Variants in ANTXR1 observed in about 807,000 individuals in gnomAD.
ANTXR1 encodes the protein anthrax toxin receptor 1.
ANTXR1 carries 19 observed loss-of-function variants against 78.1 expected under a neutral mutation model. The ratio of observed to expected loss-of-function variants is 0.24; its 90% CI spans 0.17 to 0.36. ANTXR1 has a LOEUF of 0.36. ANTXR1 is among the 10% of genes least tolerant of loss of function. The probability of loss-of-function intolerance (pLI) is 1.00; values close to 1 mark genes in which losing one functional copy is unlikely to be tolerated. For synonymous variants in ANTXR1, 273 were observed against 260.5 expected, an observed-to-expected ratio of 1.05 and a Z score of -0.46; for missense variants, 518 against 718.6, an observed-to-expected ratio of 0.72 and a Z score of 3.19.
chr2:69,133,798 T>A (rs1260022663), intron 12 of ANTXR1, among the ~76,000 whole-genome samples: 2 of 152,208 alleles, frequency 1.3e-5, no homozygotes, highest in Non-Finnish European at 2.9e-5. Flanking sequence ...TTGTTATTGC[T>A]GTAATTATAG....
chr2:69,111,541 A>G (rs914220491), intron 10 of ANTXR1, among the ~76,000 whole-genome samples: 4 of 152,272 alleles, frequency 2.6e-5, no homozygotes, highest in Non-Finnish European at 4.4e-5. Context: ...AATCAGATTC[A>G]TTATATTATA....
chr2:69,175,837 T>TGCTCACTGA (rs1674106110), intron 14 of ANTXR1, among the ~76,000 whole-genome samples: 1 of 152,168 alleles, frequency 6.6e-6, no homozygotes, highest in East Asian at 1.9e-4. Flanking sequence ...TTTTCAGATT[T>TGCTCACTGA]ATTATTATGC....
At chr2:69,023,808 A>G (rs1191216753) in intron 1 of ANTXR1, among the ~76,000 whole-genome samples, 1 of 152,224 alleles carries the variant, frequency 6.6e-6, no homozygotes, top group Non-Finnish European at 1.5e-5. Context: ...AGGAGGCTTC[A>G]TAGAGGAGGT....
At chr2:69,182,980 T>TA (rs34296585) in intron 16 of ANTXR1, 91,143 of 208,632 alleles carry the variant, frequency 0.44, 17,801 homozygotes, top group East Asian at 0.63. Context: ...TGTTCCATAT[T>TA]AAAAAAAAAA....
At chr2:69,186,101 G>A (rs1459126337) in intron 16 of ANTXR1, among the ~76,000 whole-genome samples, 1 of 152,132 alleles carries the variant, frequency 6.6e-6, no homozygotes, top group Non-Finnish European at 1.5e-5. Flanking sequence ...AAAGAGCTGA[G>A]GCATGAACGG....
chr2:69,023,083 G>A (rs986192071), intron 1 of ANTXR1, among the ~76,000 whole-genome samples: 2 of 152,216 alleles, frequency 1.3e-5, no homozygotes, highest in African/African-American at 4.8e-5. Context: ...GGCATCTGCA[G>A]CTTTAAATAT....
chr2:69,094,679 T>A (rs1489653351), intron 9 of ANTXR1, among the ~76,000 whole-genome samples: 1 of 152,180 alleles, frequency 6.6e-6, no homozygotes, highest in Non-Finnish European at 1.5e-5. Context: ...CTCAGCTGGC[T>A]TTCAACCCCA....
At chr2:69,195,796 A>G (rs546626673) in intron 17 of ANTXR1, among the ~76,000 whole-genome samples, 1 of 152,310 alleles carries the variant, frequency 6.6e-6, no homozygotes, top group East Asian at 1.9e-4. Flanking sequence ...TCCCTAAACT[A>G]AGGTTCAGTA....
chr2:69,030,620 A>G (rs1299971957), intron 1 of ANTXR1, among the ~76,000 whole-genome samples: 1 of 152,202 alleles, frequency 6.6e-6, no homozygotes, highest in African/African-American at 2.4e-5. Flanking sequence ...AATCTGAAAG[A>G]CATCTCTGAA....
chr2:69,016,822 T>C (rs971528893), intron 1 of ANTXR1, among the ~76,000 whole-genome samples: 6 of 152,360 alleles, frequency 3.9e-5, no homozygotes, highest in African/African-American at 1.4e-4. Context: ...TGAATTTGTT[T>C]TGAAAATCAT....
intron 10 of ANTXR1, among the ~76,000 whole-genome samples, chr2:69,119,289 C>T (rs529593717): frequency 1.3e-5 from 2 of 152,276 alleles, no homozygotes; most frequent in South Asian, 2.1e-4. Flanking sequence ...ATGCTCTCCT[C>T]GGCGTGACCC....
At chr2:69,080,815 T>A (rs1334431995) in intron 8 of ANTXR1, among the ~76,000 whole-genome samples, 1 of 152,128 alleles carries the variant, frequency 6.6e-6, no homozygotes, top group African/African-American at 2.4e-5. Flanking sequence ...TGGAAGGGCA[T>A]GGATAGAATG....
At chr2:69,107,088 C>T (rs11689690) in intron 10 of ANTXR1, among the ~76,000 whole-genome samples, 36,626 of 151,714 alleles carry the variant, frequency 0.24, 5,430 homozygotes, top group Non-Finnish European at 0.33. Flanking sequence ...AATATATGAA[C>T]GAGAAGGGAA....
At chr2:69,177,604 G>T (rs1674157478) in intron 14 of ANTXR1, among the ~76,000 whole-genome samples, 1 of 152,054 alleles carries the variant, frequency 6.6e-6, no homozygotes, top group African/African-American at 2.4e-5. Flanking sequence ...TGGGAAACCG[G>T]CCTCCCTCCC....
chr2:69,141,830 G>A (rs1311398932), intron 12 of ANTXR1, among the ~76,000 whole-genome samples: 1 of 152,124 alleles, frequency 6.6e-6, no homozygotes, highest in Non-Finnish European at 1.5e-5. Flanking sequence ...TTTTTGCCTG[G>A]TCCCAGCAGC....
Position 69,201,240 on chromosome 2 carries a change from AATGGAC to A in ANTXR1, c.1434+7828_1434+7833del, listed in dbSNP as rs1217475885. On this transcript the variant is annotated intron_variant, in intron 17 of 17. Coordinates refer to ENST00000303714, the MANE Select transcript of ANTXR1 (RefSeq NM_032208.3). ...GCCTTGGAGTCCAAATGCCTTCTTG[AATGGAC>A]ATTTAAGCTAAGACAAGAAGGGGGA... is the stretch of plus-strand genomic sequence containing the variant. Among the ~76,000 whole-genome samples the A allele has an allele frequency of 2.6e-4, 39 of 152,140 alleles. 1 individual carries two copies. The highest frequency in any genetic ancestry group is 1.2e-3 in the Admixed American group (19 of 15,282).
intron 17 of ANTXR1, among the ~76,000 whole-genome samples, chr2:69,233,438 T>TTTTTCTA (rs1365861983): frequency 4.0e-5 from 6 of 151,806 alleles, no homozygotes; most frequent in Non-Finnish European, 7.4e-5. Context: ...GAAAAAAATT[T>TTTTTCTA]ATAAAATATA....
chr2:69,089,345 C>G (rs964034517), intron 8 of ANTXR1, among the ~76,000 whole-genome samples: 3 of 152,204 alleles, frequency 2.0e-5, no homozygotes, highest in Non-Finnish European at 2.9e-5. Flanking sequence ...CAATGCTTCT[C>G]TATAAGGATG....
Position 69,245,767 on chromosome 2 carries a change from C to T in ANTXR1, c.*282C>T, listed in dbSNP as rs1281587659. On this transcript the variant is annotated 3_prime_UTR_variant, in exon 18 of 18. Transcript: ENST00000303714. ...CAGTGAAACTGCAAGATGCTCTCAA[C>T]AGGATTATGTCTCATGGAGACCAGT... is the stretch of plus-strand genomic sequence containing the variant. The T allele has an allele frequency of 4.7e-6, 2 of 423,432 alleles. No homozygotes were observed. The highest frequency in any genetic ancestry group is 8.3e-5 in the Admixed American group (2 of 24,094). 26.2% of individuals were successfully genotyped at this position (423,432 alleles called of 1,614,324 possible).
Sources: allele counts gnomAD v4.1 joint callset (sites outside exome capture counted in the v4.1 genomes callset), GRCh38; gene constraint gnomAD v4.1.1; transcripts MANE v1.5; gene names NCBI Gene and HGNC (gene_info 2026-07-23, HGNC 2026-07-21).